The following FUT9 variants were observed in gnomAD, a reference collection of about 807,000 sequenced individuals.
FUT9 encodes 4-galactosyl-N-acetylglucosaminide 3-alpha-L-fucosyltransferase 9.
In FUT9, 15 loss-of-function variants were observed where a neutral mutation model predicts 29.7. The ratio of observed to expected loss-of-function variants is 0.51; its 90% CI spans 0.34 to 0.78. FUT9 has a LOEUF of 0.78. Among genes scored for constraint, FUT9 ranks in the 30% least tolerant of loss-of-function variants. The probability of loss-of-function intolerance (pLI) is 0.01; values close to 1 mark genes in which losing one functional copy is unlikely to be tolerated. For synonymous variants in FUT9, 169 were observed against 153.7 expected (o/e 1.10, Z -0.74); for missense variants, 319 against 425.4 (o/e 0.75, Z 2.20).
intron 2 of FUT9, among the ~76,000 whole-genome samples, chr6:96,198,792 T>TTTTTAATTTTAATTTTAATTTTAA (rs1418135711): frequency 6.6e-6 from 1 of 152,156 alleles, no homozygotes; most frequent in Non-Finnish European, 1.5e-5. Context: ...GTTTCCTGAC[T>TTTTTAATTTTAATTTTAATTTTAA]TTTTAATGAT....
intron 2 of FUT9, among the ~76,000 whole-genome samples, chr6:96,180,046 A>C (rs185294348): frequency 7.2e-5 from 11 of 152,228 alleles, no homozygotes; most frequent in African/African-American, 2.4e-4. Context: ...AGGTTACTTC[A>C]TGGAAAATCT....
chr6:96,167,750 T>C (rs899624457), intron 2 of FUT9, among the ~76,000 whole-genome samples: 2 of 152,084 alleles, frequency 1.3e-5, no homozygotes, highest in African/African-American at 4.8e-5. Flanking sequence ...ATGGGCCTCA[T>C]TGAGAAGGTA....
At chr6:96,188,002 C>T (rs1450110601) in intron 2 of FUT9, among the ~76,000 whole-genome samples, 4 of 152,080 alleles carry the variant, frequency 2.6e-5, no homozygotes, top group African/African-American at 9.6e-5. Flanking sequence ...TCATAAACAC[C>T]CCAATAATAA....
intron 1 of FUT9, among the ~76,000 whole-genome samples, chr6:96,059,993 A>T (rs542906836): frequency 6.6e-6 from 1 of 152,286 alleles, no homozygotes; most frequent in Non-Finnish European, 1.5e-5. Flanking sequence ...ATGGGATTTT[A>T]ATACTAAAAA....
chr6:96,105,794 C>A (rs920627710), intron 1 of FUT9, among the ~76,000 whole-genome samples: 1 of 152,126 alleles, frequency 6.6e-6, no homozygotes, highest in Non-Finnish European at 1.5e-5. Flanking sequence ...ACATCTGCAA[C>A]AAATTCCTCT....
intron 1 of FUT9, chr6:96,037,339 T>C (rs1770381364): frequency 6.6e-6 from 1 of 152,090 alleles, no homozygotes; most frequent in African/African-American, 2.4e-5. Context: ...TTCTGGTGCC[T>C]AATCCAGGGG....
intron 1 of FUT9, among the ~76,000 whole-genome samples, chr6:96,019,054 T>C (rs930746876): frequency 6.6e-6 from 1 of 152,030 alleles, no homozygotes; most frequent in African/African-American, 2.4e-5. Flanking sequence ...ATAGCAATAA[T>C]AATACAAGTT....
At chr6:96,096,929 T>A (rs746032885) in intron 1 of FUT9, among the ~76,000 whole-genome samples, 1 of 152,110 alleles carries the variant, frequency 6.6e-6, no homozygotes, top group Non-Finnish European at 1.5e-5. Flanking sequence ...ATTTCATCTG[T>A]TCACTGAATA....
At chr6:96,105,474 A>G (rs930744021) in intron 1 of FUT9, among the ~76,000 whole-genome samples, 7 of 152,328 alleles carry the variant, frequency 4.6e-5, no homozygotes, top group Middle Eastern at 6.8e-3. Flanking sequence ...CAATTGCCAT[A>G]GCATAAAATA....
rs554975801 is a variant in FUT9 at position 96,102,468 on chromosome 6, A to AT, written c.-97-11564dup. On this transcript the variant is annotated intron_variant, in intron 1 of 2. Transcript: ENST00000302103. ...GTCCTTGGATCTGTAATTGCCTTGA[A>AT]TTTTTTTGGCCAATAAAATTTTCAT... 1.3e-4 allele frequency among the ~76,000 whole-genome samples: 20 copies of AT among 152,006 alleles called. No individual in the cohort carries two copies. In the South Asian group the frequency reaches 2.9e-3, roughly 22 times the overall value.
rs972865346 is a variant in FUT9, at chr6:96,205,947, T to A, written c.*1712T>A. 3.0e-5 allele frequency: 5 copies of A among 167,074 alleles called. No individual in the cohort carries two copies. The highest frequency in any genetic ancestry group is 1.2e-4 in the African/African-American group (5 of 41,458). 10.3% of individuals were successfully genotyped at this position (167,074 alleles called of 1,614,324 possible). A position where few individuals can be genotyped will look rare whatever the true frequency, so the allele number is the denominator to read the frequency against. On this transcript the variant is annotated 3_prime_UTR_variant, in exon 3 of 3. Coordinates refer to ENST00000302103, the MANE Select transcript of FUT9 (RefSeq NM_006581.4). ...GAGGATTGTTTGATTCTCAGGTATA[T>A]TTCTTAAGCCAAGATTGAATGCAGT...
intron 2 of FUT9, among the ~76,000 whole-genome samples, chr6:96,200,150 G>A (rs1439745010): frequency 6.6e-6 from 1 of 152,052 alleles, no homozygotes; most frequent in Non-Finnish European, 1.5e-5. Flanking sequence ...GTTAATAGGT[G>A]TGTGTGTGTA....
chr6:96,105,690 T>C (rs935510416), intron 1 of FUT9, among the ~76,000 whole-genome samples: 1 of 152,198 alleles, frequency 6.6e-6, no homozygotes, highest in Admixed American at 6.5e-5. Flanking sequence ...GTTTTAACAG[T>C]TATTTAAATA....
chr6:96,126,109 C>A (rs528765043), intron 2 of FUT9, among the ~76,000 whole-genome samples: 1 of 152,146 alleles, frequency 6.6e-6, no homozygotes, highest in South Asian at 2.1e-4. Flanking sequence ...GGTTAAAACT[C>A]GTCCACAGCC....
At chr6:96,148,583 A>C (rs1367531403) in intron 2 of FUT9, among the ~76,000 whole-genome samples, 1 of 152,118 alleles carries the variant, frequency 6.6e-6, no homozygotes, top group East Asian at 1.9e-4. Context: ...AAAACACTTA[A>C]ATGTTCCAAA....
intron 2 of FUT9, among the ~76,000 whole-genome samples, chr6:96,185,957 C>T (rs1453907006): frequency 6.6e-6 from 1 of 152,074 alleles, no homozygotes; most frequent in Admixed American, 6.6e-5. Context: ...AAATCCTCCC[C>T]TCCAAGGTTC....
intron 2 of FUT9, among the ~76,000 whole-genome samples, chr6:96,148,830 A>G (rs1772622075): frequency 6.6e-6 from 1 of 152,072 alleles, no homozygotes. Context: ...GTCTTATGTG[A>G]CCCTGGCTTA....
At chr6:96,045,807 C>T (rs1312016637) in intron 1 of FUT9, among the ~76,000 whole-genome samples, 2 of 152,322 alleles carry the variant, frequency 1.3e-5, no homozygotes, top group East Asian at 3.9e-4. Flanking sequence ...GGAGGCATCT[C>T]CTTTCGTAGT....
At chr6:96,169,417 A>G (rs1271662569) in intron 2 of FUT9, among the ~76,000 whole-genome samples, 6 of 152,344 alleles carry the variant, frequency 3.9e-5, no homozygotes, top group South Asian at 4.1e-4. Flanking sequence ...TAAGTACTCA[A>G]TGAATCTCAG....
Sources: allele counts gnomAD v4.1 joint callset (sites outside exome capture counted in the v4.1 genomes callset), GRCh38; gene constraint gnomAD v4.1.1; transcripts MANE v1.5; gene names NCBI Gene and HGNC (gene_info 2026-07-23, HGNC 2026-07-21).